TBC1D14: variants seen among roughly 807,000 people sequenced by gnomAD.
TBC1D14 encodes the protein TBC1 domain family member 14.
In TBC1D14, 26 loss-of-function variants were observed where a neutral mutation model predicts 79.0. The ratio of observed to expected loss-of-function variants is 0.33; its 90% CI spans 0.24 to 0.46. The LOEUF (loss-of-function observed/expected upper bound fraction) is 0.46. Ranked by LOEUF, TBC1D14 falls within the 20% of genes least tolerant of loss-of-function variation. The probability of loss-of-function intolerance (pLI) is 1.00; values close to 1 mark genes in which losing one functional copy is unlikely to be tolerated. For missense variants in TBC1D14, 769 were observed against 887.6 expected, an observed-to-expected ratio of 0.87 and a Z score of 1.70; for synonymous variants, 394 against 349.9, an observed-to-expected ratio of 1.13 and a Z score of -1.40.
At chr4:6,921,138 G>T (rs1436667295) in intron 1 of TBC1D14, among the ~76,000 whole-genome samples, 1 of 152,180 alleles carries the variant, frequency 6.6e-6, no homozygotes, top group Non-Finnish European at 1.5e-5. Context: ...TGCTGGGGCT[G>T]TGCTCTCCGG....
chr4:6,975,996 G>A (rs1716684106), intron 3 of TBC1D14, among the ~76,000 whole-genome samples: 1 of 152,196 alleles, frequency 6.6e-6, no homozygotes, highest in Non-Finnish European at 1.5e-5. Flanking sequence ...GGGAGGCTGA[G>A]ACAGGAGAAT....
intron 1 of TBC1D14, among the ~76,000 whole-genome samples, chr4:6,913,817 G>T (rs915142822): frequency 1.6e-4 from 24 of 152,166 alleles, no homozygotes; most frequent in African/African-American, 5.6e-4. Flanking sequence ...GAAACATTTT[G>T]CATTGAAAGT....
At chr4:6,931,570 C>T (rs28463777) in intron 2 of TBC1D14, among the ~76,000 whole-genome samples, 84,507 of 151,500 alleles carry the variant, frequency 0.56, 23,676 homozygotes, top group East Asian at 0.67. Flanking sequence ...GTTACTACTG[C>T]AGATGCTGTC....
At chr4:6,985,701 A>G (rs10022869) in intron 3 of TBC1D14, among the ~76,000 whole-genome samples, 65,797 of 120,650 alleles carry the variant, frequency 0.55, 14,986 homozygotes, top group East Asian at 0.68. Flanking sequence ...GCACAGGGAC[A>G]GTGTCCTAGA....
At chr4:6,919,903 G>C (rs1057389351) in intron 1 of TBC1D14, among the ~76,000 whole-genome samples, 1 of 152,040 alleles carries the variant, frequency 6.6e-6, no homozygotes, top group Non-Finnish European at 1.5e-5. Context: ...ACAGGCGTGA[G>C]CCACCGTGCC....
At chr4:6,978,466 T>C (rs555190409) in intron 3 of TBC1D14, among the ~76,000 whole-genome samples, 2 of 149,992 alleles carry the variant, frequency 1.3e-5, no homozygotes, top group East Asian at 2.0e-4. Context: ...CTCTGAAACA[T>C]GTGCTGTGTC....
At position 7,031,766 on chromosome 4, in the gene TBC1D14, A is replaced by G. The variant is rs141940298; in HGVS notation, c.*1374A>G. Reference sequence around the variant, plus strand: ...TGTGCCTTGGGGTGCTCTGCACTCCACGGCCCTTCTCAGCCACACTTCCCA... The same window carrying G: ...TGTGCCTTGGGGTGCTCTGCACTCCGCGGCCCTTCTCAGCCACACTTCCCA... On this transcript the variant is annotated 3_prime_UTR_variant, in exon 14 of 14. Transcript: ENST00000409757. 540 of 152,442 alleles carry G rather than the reference A, an allele frequency of 3.5e-3. 12 individuals carry two copies. Among genetic ancestry groups the G allele is most frequent in the Middle Eastern group, 6.8e-3 (2 of 294 alleles). The allele number at this position is 152,442 out of a possible 1,614,324, so 9.4% of individuals were successfully genotyped here.
In TBC1D14 at chr4:6,923,642, C is replaced by T. The variant is rs199606822; in HGVS notation, c.253C>T (p.His85Tyr). 649 of 1,613,838 alleles carry T rather than the reference C, an allele frequency of 4.0e-4. No homozygotes were observed. The highest frequency in any genetic ancestry group is 4.6e-4 in the Non-Finnish European group (545 of 1,180,040). The change falls in exon 2 of 14, where the codon CAC (histidine) becomes TAC (tyrosine). Residue 85 changes from histidine to tyrosine, a missense_variant. By Grantham distance (83) the His-to-Tyr change is moderately conservative. Transcript: ENST00000409757. Reference sequence around the variant, plus strand: ...GGAGCCTGTACCCTGCAGCGCGGTCCACGTGAGGAGGAAGCAGTCCGACTC... The same window carrying T: ...GGAGCCTGTACCCTGCAGCGCGGTCTACGTGAGGAGGAAGCAGTCCGACTC... The part of the protein sequence containing the change: ...NPEPVPCSAV[H>Y]VRRKQSDSDL...
chr4:6,918,234 T>G (rs780146872), intron 1 of TBC1D14, among the ~76,000 whole-genome samples: 1 of 152,248 alleles, frequency 6.6e-6, no homozygotes, highest in Non-Finnish European at 1.5e-5. Flanking sequence ...GGTCCTTGGA[T>G]TGCCATGAAT....
In TBC1D14 at chr4:6,915,174, C is replaced by T. The variant is rs58281700; in HGVS notation, c.-18+5223C>T. Among the ~76,000 whole-genome samples, 9 of 152,324 alleles carry T rather than the reference C, an allele frequency of 5.9e-5. No individual in the cohort carries two copies. In the South Asian group the frequency reaches 1.7e-3, roughly 28 times the overall value. Reference sequence around the variant, plus strand: ...CATTAGAGGCTCGACTGGGCTGTTTCTCTTGAACCGTGCTGCCCTCCAGGG... The same window carrying T: ...CATTAGAGGCTCGACTGGGCTGTTTTTCTTGAACCGTGCTGCCCTCCAGGG... On this transcript the variant is annotated intron_variant, in intron 1 of 13. Transcript: ENST00000409757.
At chr4:6,910,315 GA>G (rs1722871047) in intron 1 of TBC1D14, 1 of 152,366 alleles carries the variant, frequency 6.6e-6, no homozygotes, top group African/African-American at 2.4e-5. Context: ...GCCAGACCCC[GA>G]CCCCGGAGCC....
chr4:6,990,093 A>T (rs1224429781), intron 3 of TBC1D14, among the ~76,000 whole-genome samples: 7 of 152,148 alleles, frequency 4.6e-5, no homozygotes, highest in East Asian at 3.8e-4. Context: ...TGTTTTTTTT[A>T]AAAATGCTGT....
At position 6,953,628 on chromosome 4, in the gene TBC1D14, T is replaced by TAAAA. The variant is rs1398189058; in HGVS notation, c.723-13676_723-13675insAAAA. ...GCCTGGGCGACAGCGAGACTCCGTC[T>TAAAA]CAAAAAAAAAAAAAAAAAAAAAAGA... On this transcript the variant is annotated intron_variant, in intron 2 of 13. Coordinates refer to ENST00000409757, the MANE Select transcript of TBC1D14 (RefSeq NM_020773.3). Among the ~76,000 whole-genome samples the TAAAA allele has an allele frequency of 2.4e-3, 3 of 1,264 alleles. No homozygotes were observed. The Admixed American group carries it at 0.037, about 15-fold the overall frequency. 0.8% of individuals were successfully genotyped at this position (1,264 alleles called of 152,430 possible). A position where few individuals can be genotyped will look rare whatever the true frequency, so the allele number is the denominator to read the frequency against.
chr4:6,955,304 A>C (rs1028235547), intron 2 of TBC1D14, among the ~76,000 whole-genome samples: 1 of 152,142 alleles, frequency 6.6e-6, no homozygotes, highest in African/African-American at 2.4e-5. Flanking sequence ...TGCCTTCTCT[A>C]CCTTTGGTGA....
At chr4:7,024,556 C>A (rs1722150884) in intron 12 of TBC1D14, among the ~76,000 whole-genome samples, 1 of 152,142 alleles carries the variant, frequency 6.6e-6, no homozygotes. Context: ...CCTAAGGGCA[C>A]CCAGAGGAGG....
At chr4:6,941,815 G>T (rs1712936974) in intron 2 of TBC1D14, among the ~76,000 whole-genome samples, 2 of 152,214 alleles carry the variant, frequency 1.3e-5, no homozygotes, top group Admixed American at 6.5e-5. Context: ...CCTCAGGCTT[G>T]CAGGCAGCCT....
intron 12 of TBC1D14, 48 bp downstream of exon 12, chr4:7,014,605 T>C: frequency 7.5e-7 from 1 of 1,335,852 alleles, no homozygotes; most frequent in Non-Finnish European, 1.1e-6. Context: ...TCAGCCCTTG[T>C]CTGTTCTTCA....
Position 6,923,582 on chromosome 4 carries a change from G to C in TBC1D14, c.193G>C (p.Asp65His). 2 of 1,614,096 alleles carry C rather than the reference G, an allele frequency of 1.2e-6. No homozygotes were observed. Among genetic ancestry groups the C allele is most frequent in the Non-Finnish European group, 1.7e-6 (2 of 1,180,004 alleles). ...LEDRHSLQSV[D>H]SGIPTLEIGN... The stretch of plus-strand genomic sequence containing the variant: ...AGACCGGCACAGCCTCCAGTCCGTG[G>C]ACTCGGGGATTCCTACCCTGGAGAT... Residue 65 changes from aspartate to histidine, a missense_variant, in exon 2 of 14, where the codon GAC (aspartate) becomes CAC (histidine). By Grantham distance (81) the Asp-to-His change is moderately conservative. Transcript: ENST00000409757.
intron 2 of TBC1D14, among the ~76,000 whole-genome samples, chr4:6,941,985 G>C (rs550570759): frequency 6.6e-6 from 1 of 152,174 alleles, no homozygotes; most frequent in Non-Finnish European, 1.5e-5. Context: ...AGGAATACAC[G>C]GGCTTTGAGA....
Sources: gnomAD v4.1 joint callset for allele counts (sites outside exome capture counted in the v4.1 genomes callset) on GRCh38, gnomAD v4.1.1 for gene constraint, MANE v1.5 for transcripts, NCBI Gene and HGNC (gene_info 2026-07-23, HGNC 2026-07-21) for gene names.